The following TM7SF3 variants were observed in gnomAD, a reference collection of about 807,000 sequenced individuals.
The protein encoded by TM7SF3 is transmembrane 7 superfamily member 3.
A neutral mutation model predicts 65.5 loss-of-function variants in TM7SF3; 60 were observed. The ratio of observed to expected loss-of-function variants is 0.92; its 90% CI spans 0.74 to 1.14. TM7SF3 has a LOEUF of 1.14. TM7SF3 is among the 50% of genes most tolerant of loss of function. The pLI, the probability that TM7SF3 is intolerant of heterozygous loss-of-function variation, is 0.00. For missense variants in TM7SF3, 623 were observed against 684.8 expected (o/e 0.91, Z 1.01); for synonymous variants, 264 against 259.6 (o/e 1.02, Z -0.16).
In TM7SF3 at chr12:27,014,258, C is replaced by A. The variant is rs559529838; in HGVS notation, c.-90G>T. On this transcript the variant is annotated 5_prime_UTR_variant, in exon 1 of 12. Coordinates refer to ENST00000343028, the MANE Select transcript of TM7SF3 (RefSeq NM_016551.3). The stretch of plus-strand genomic sequence containing the variant: ...CCCCGCAGCCTCGCCCACGCTATCC[C>A]GGGGCGCCCGCATCGGGCGCCATCG... 8.1e-7 allele frequency: 1 copy of A among 1,227,486 alleles called. No homozygotes were observed. The highest frequency in any genetic ancestry group is 1.6e-5 in the South Asian group (1 of 60,608). The allele number at this position is 1,227,486 out of a possible 1,614,324, so 76.0% of individuals were successfully genotyped here. A position where few individuals can be genotyped will look rare whatever the true frequency, so the allele number is the denominator to read the frequency against.
chr12:26,986,533 A>G (rs753793907), intron 6 of TM7SF3, among the ~76,000 whole-genome samples: 20 of 152,024 alleles, frequency 1.3e-4, no homozygotes, highest in Admixed American at 5.2e-4. Flanking sequence ...GCCTATTGTA[A>G]TACTACCCCC....
rs756416646 is a variant in TM7SF3, at chr12:26,990,443, T to A, written c.868+7A>T. ...GAATTTGTAAAAGTTTAAAGCCACA[T>A]ACTCACCTAGGGAAGCACAACTACC... On this transcript the variant is annotated splice_region_variant and intron_variant, in intron 6 of 11. Transcript: ENST00000343028. 2 of 1,608,628 alleles carry A rather than the reference T, an allele frequency of 1.2e-6. No homozygotes were observed. The highest frequency in any genetic ancestry group is 1.1e-5 in the South Asian group (1 of 90,430).
chr12:26,998,641 G>A (rs1940701412), intron 3 of TM7SF3, among the ~76,000 whole-genome samples: 1 of 152,062 alleles, frequency 6.6e-6, no homozygotes, highest in African/African-American at 2.4e-5. Context: ...CTCAAATCCT[G>A]CTCCTCTTCT....
intron 3 of TM7SF3, among the ~76,000 whole-genome samples, chr12:26,998,139 C>T (rs1320181955): frequency 6.6e-6 from 1 of 152,094 alleles, no homozygotes; most frequent in African/African-American, 2.4e-5. Context: ...GGCCTGCTCC[C>T]TTTTAAAGGC....
intron 6 of TM7SF3, chr12:26,983,503 G>A (rs776128906): frequency 2.2e-6 from 1 of 451,794 alleles, no homozygotes. Flanking sequence ...TGAAATATTT[G>A]TGAGTAACAT....
chr12:26,979,729 G>C, intron 9 of TM7SF3, 55 bp downstream of exon 9: 2 of 1,587,614 alleles, frequency 1.3e-6, no homozygotes, highest in South Asian at 2.3e-5. Context: ...AATCCAATTA[G>C]GCAGTATTCA....
chr12:26,995,978 C>T (rs534692253), intron 4 of TM7SF3, among the ~76,000 whole-genome samples: 1 of 152,128 alleles, frequency 6.6e-6, no homozygotes, highest in African/African-American at 2.4e-5. Flanking sequence ...ATCAGTCAGG[C>T]CTAGAGTAAA....
chr12:26,986,097 G>A (rs1440346615), intron 6 of TM7SF3, among the ~76,000 whole-genome samples: 1 of 151,726 alleles, frequency 6.6e-6, no homozygotes, highest in African/African-American at 2.4e-5. Context: ...CAAAGTGCTG[G>A]GATTACAGGC....
At chr12:27,011,446 C>T (rs1941240666) in intron 1 of TM7SF3, among the ~76,000 whole-genome samples, 1 of 152,074 alleles carries the variant, frequency 6.6e-6, no homozygotes, top group Non-Finnish European at 1.5e-5. Context: ...CAGAAAGCAC[C>T]CTCCTCAGAC....
At chr12:27,007,354 A>G (rs1941078345) in intron 1 of TM7SF3, among the ~76,000 whole-genome samples, 1 of 152,204 alleles carries the variant, frequency 6.6e-6, no homozygotes, top group South Asian at 2.1e-4. Context: ...TTGACAAAAT[A>G]GGTAGGGGTA....
intron 1 of TM7SF3, chr12:27,012,578 G>T: frequency 2.2e-6 from 1 of 455,756 alleles, no homozygotes; most frequent in Non-Finnish European, 4.4e-6. Flanking sequence ...ATGATGATCT[G>T]CCTGGCACAA....
rs140980955 is a variant in TM7SF3, at chr12:26,982,335, C to A, written c.955+438G>T. Among the ~76,000 whole-genome samples, 6 of 152,218 alleles carry A rather than the reference C, an allele frequency of 3.9e-5. 1 individual carries two copies. Among genetic ancestry groups the A allele is most frequent in the African/African-American group, 1.4e-4 (6 of 41,556 alleles). ...ACAGGTGTGAGCCACCACACACAGCCCCAATTTGTCTTTAATTTTTTGGTA... is the reference window on the plus strand; with the variant it reads ...ACAGGTGTGAGCCACCACACACAGCACCAATTTGTCTTTAATTTTTTGGTA... On this transcript the variant is annotated intron_variant, in intron 7 of 11. Transcript: ENST00000343028.
chr12:26,990,590 G>A lies in TM7SF3; in HGVS notation c.728C>T (p.Ser243Phe), dbSNP rs748987251. 62 of 1,613,886 alleles carry A rather than the reference G, an allele frequency of 3.8e-5. No individual in the cohort carries two copies. Among genetic ancestry groups the A allele is most frequent in the Non-Finnish European group, 3.2e-5 (38 of 1,179,902 alleles). ...TLTANDKTSV[S>F]FSSLPGQGVI... ...ACCTTGTCCCGGGAGGGAGGAGAAG[G>A]AAACACTTGTCTTATCATTAGCTGT... is the stretch of plus-strand genomic sequence containing the variant. The change falls in exon 6 of 12, where the codon TCC (serine) becomes TTC (phenylalanine). Residue 243 changes from serine (S) to phenylalanine (F), a missense_variant. Ser to Phe is a radical substitution (Grantham distance 155). Coordinates refer to ENST00000343028, the MANE Select transcript of TM7SF3 (RefSeq NM_016551.3).
intron 3 of TM7SF3, among the ~76,000 whole-genome samples, chr12:26,997,800 C>T (rs189093380): frequency 8.6e-5 from 13 of 150,812 alleles, no homozygotes; most frequent in Admixed American, 2.7e-4. Flanking sequence ...TTGACCTCTC[C>T]GTAGACTGTA....
At chr12:26,981,296 A>G (rs1467769193) in intron 7 of TM7SF3, among the ~76,000 whole-genome samples, 1 of 152,186 alleles carries the variant, frequency 6.6e-6, no homozygotes, top group Admixed American at 6.5e-5. Flanking sequence ...ACTGTATCTC[A>G]ATTTCAATAA....
In TM7SF3 at chr12:26,973,811, G is replaced by T; in HGVS notation, c.*154C>A. Reference sequence around the variant, plus strand: ...CTCTTACAATCATCCTAATCCCCTAGTACACCCTTACCATATATCAATAAG... The same window carrying T: ...CTCTTACAATCATCCTAATCCCCTATTACACCCTTACCATATATCAATAAG... On this transcript the variant is annotated 3_prime_UTR_variant, in exon 12 of 12. Coordinates refer to ENST00000343028, the MANE Select transcript of TM7SF3 (RefSeq NM_016551.3). The T allele has an allele frequency of 2.1e-6, 2 of 966,726 alleles. No individual in the cohort carries two copies. The highest frequency in any genetic ancestry group is 3.0e-6 in the Non-Finnish European group (2 of 669,318). 59.9% of individuals were successfully genotyped at this position (966,726 alleles called of 1,614,324 possible).
At chr12:26,987,360 T>C (rs1940144031) in intron 6 of TM7SF3, among the ~76,000 whole-genome samples, 1 of 152,164 alleles carries the variant, frequency 6.6e-6, no homozygotes. Flanking sequence ...CAGCGAATGG[T>C]CGCTCTCTCT....
intron 2 of TM7SF3, 77 bp from the exon 3 acceptor site, chr12:26,999,753 G>A: frequency 7.0e-7 from 1 of 1,434,568 alleles, no homozygotes; most frequent in Non-Finnish European, 9.5e-7. Context: ...CAGTGTGCAT[G>A]TCCTATTCCA....
intron 5 of TM7SF3, among the ~76,000 whole-genome samples, chr12:26,990,940 G>A (rs1940328485): frequency 6.6e-6 from 1 of 152,108 alleles, no homozygotes. Context: ...CTATAAACAA[G>A]GATGGGAACT....
Sources: gnomAD v4.1 joint callset for allele counts (sites outside exome capture counted in the v4.1 genomes callset) on GRCh38, gnomAD v4.1.1 for gene constraint, MANE v1.5 for transcripts, NCBI Gene and HGNC (gene_info 2026-07-23, HGNC 2026-07-21) for gene names.